Variants in CDKL1 observed in about 807,000 individuals in gnomAD.
The protein encoded by CDKL1 is cyclin-dependent kinase-like 1.
Under a neutral mutation model 42.0 loss-of-function variants are expected in CDKL1, and 41 were observed. That is an observed-to-expected ratio of 0.98 (90% CI 0.76 to 1.27). The LOEUF is 1.27. Among genes scored for constraint, CDKL1 ranks in the 50% most tolerant of loss-of-function variants. The pLI is 0.00. For missense variants in CDKL1, 394 were observed against 428.4 expected, an observed-to-expected ratio of 0.92 and a Z score of 0.71; for synonymous variants, 153 against 158.6, an observed-to-expected ratio of 0.96 and a Z score of 0.26.
At chr14:50,381,794 A>G (rs1235908000) in intron 2 of CDKL1, among the ~76,000 whole-genome samples, 3 of 151,474 alleles carry the variant, frequency 2.0e-5, no homozygotes, top group Admixed American at 6.6e-5. Context: ...TTGTTTAGAT[A>G]AAGGGTTTCA....
At position 50,363,534 on chromosome 14, in the gene CDKL1, A is replaced by G. The variant is rs117587880; in HGVS notation, c.169-4385T>C. On this transcript the variant is annotated intron_variant, in intron 2 of 9. Transcript: ENST00000395834. Reference sequence around the variant, plus strand: ...AAGTTTTCTTTCAGACTGAAAAATAATCATCCTTAGGCTTTACTTTCATTT... The same window carrying G: ...AAGTTTTCTTTCAGACTGAAAAATAGTCATCCTTAGGCTTTACTTTCATTT... Among the ~76,000 whole-genome samples the G allele has an allele frequency of 7.5e-4, 115 of 152,322 alleles. 1 individual carries two copies. In the East Asian group the frequency reaches 0.018, roughly 24 times the overall value.
At chr14:50,378,913 G>A (rs1349155413) in intron 2 of CDKL1, among the ~76,000 whole-genome samples, 2 of 151,246 alleles carry the variant, frequency 1.3e-5, no homozygotes, top group African/African-American at 2.4e-5. Flanking sequence ...GTGTAGTGGT[G>A]TGATCTTGGC....
Position 50,328,228 on chromosome 14 carries a change from ATTTT to A in CDKL1, c.*1842_*1845del. On this transcript the variant is annotated 3_prime_UTR_variant, in exon 10 of 10. Coordinates refer to ENST00000395834, the MANE Select transcript of CDKL1 (RefSeq NM_004196.7). ...ATTTTCTTGGGTTAAGGAAAAAAAAATTTTTTTTTAACTATTCACGGAAGCTGGA... is the reference window on the plus strand; with the variant it reads ...ATTTTCTTGGGTTAAGGAAAAAAAAATTTTTAACTATTCACGGAAGCTGGA... 1 of 151,754 alleles carries A rather than the reference ATTTT, an allele frequency of 6.6e-6. No homozygotes were observed. Among genetic ancestry groups the A allele is most frequent in the South Asian group, 2.1e-4 (1 of 4,790 alleles). The allele number at this position is 151,754 out of a possible 1,614,324, so 9.4% of individuals were successfully genotyped here.
chr14:50,326,632 T>G lies in CDKL1; in HGVS notation c.*3442A>C. The G allele has an allele frequency of 3.0e-6, 3 of 985,466 alleles. No individual in the cohort carries two copies. The highest frequency in any genetic ancestry group is 3.6e-6 in the Non-Finnish European group (3 of 829,924). 61.0% of individuals were successfully genotyped at this position (985,466 alleles called of 1,614,324 possible). ...TCTATTTTGTAAGCTTAGGCTACTA[T>G]TTTATTAAAACTGGACATAGATACT... On this transcript the variant is annotated 3_prime_UTR_variant, in exon 10 of 10. Transcript: ENST00000395834.
intron 8 of CDKL1, 101 bp from the exon 9 acceptor site, chr14:50,332,533 A>T (rs1321550837): frequency 1.3e-6 from 2 of 1,502,360 alleles, no homozygotes; most frequent in Non-Finnish European, 1.8e-6. Context: ...CAGTTGCAAT[A>T]AGAAGGGGGA....
At chr14:50,340,100 G>A (rs918033753) in intron 6 of CDKL1, among the ~76,000 whole-genome samples, 16 of 152,074 alleles carry the variant, frequency 1.1e-4, no homozygotes, top group African/African-American at 3.9e-4. Context: ...GTGCCAGAGG[G>A]GTGACATGGG....
intron 2 of CDKL1, chr14:50,363,139 C>T (rs563432244): frequency 2.1e-5 from 5 of 240,630 alleles, no homozygotes; most frequent in African/African-American, 4.5e-5. Context: ...CACAAACCCA[C>T]CAGAAGGAAG....
intron 9 of CDKL1, chr14:50,330,403 T>A: frequency 2.1e-6 from 1 of 473,726 alleles, no homozygotes; most frequent in South Asian, 3.0e-5. Context: ...AAAGAAGATT[T>A]AGAGAATATG....
At chr14:50,373,638 A>G (rs901554068) in intron 2 of CDKL1, among the ~76,000 whole-genome samples, 1 of 152,246 alleles carries the variant, frequency 6.6e-6, no homozygotes, top group African/African-American at 2.4e-5. Flanking sequence ...AAGAAGATAT[A>G]ATACAGATGG....
intron 3 of CDKL1, among the ~76,000 whole-genome samples, chr14:50,346,441 T>A (rs2033724716): frequency 6.6e-6 from 1 of 151,914 alleles, no homozygotes; most frequent in African/African-American, 2.4e-5. Flanking sequence ...TTAGGGGGAA[T>A]GCTTTTCCCC....
chr14:50,345,320 CAAGT>C (rs2033690070), intron 3 of CDKL1, among the ~76,000 whole-genome samples: 1 of 152,316 alleles, frequency 6.6e-6, no homozygotes, highest in Admixed American at 6.5e-5. Context: ...GGGATTTCAA[CAAGT>C]ATTTATAACC....
intron 2 of CDKL1, among the ~76,000 whole-genome samples, chr14:50,381,593 G>T (rs1262463186): frequency 6.6e-6 from 1 of 152,136 alleles, no homozygotes; most frequent in Admixed American, 6.6e-5. Context: ...ACAGTACGTG[G>T]AAAGTACTAT....
intron 2 of CDKL1, among the ~76,000 whole-genome samples, chr14:50,378,854 C>CT (rs140548824): frequency 0.021 from 2,984 of 138,976 alleles, 44 homozygotes; most frequent in Non-Finnish European, 0.029. Context: ...TCAAGACAAT[C>CT]TTTTTTTTTT....
intron 2 of CDKL1, among the ~76,000 whole-genome samples, chr14:50,385,220 C>G (rs1486080691): frequency 6.6e-6 from 1 of 151,408 alleles, no homozygotes; most frequent in Non-Finnish European, 1.5e-5. Context: ...AGAAATATGG[C>G]AGACCCATCT....
intron 2 of CDKL1, 25 bp from the exon 3 acceptor site, chr14:50,359,174 C>A (rs1243786702): frequency 6.3e-7 from 1 of 1,587,878 alleles, no homozygotes; most frequent in Admixed American, 1.7e-5. Context: ...AAACAAGTTA[C>A]TAAATTTGAC....
At chr14:50,350,855 T>C (rs567861207) in intron 3 of CDKL1, among the ~76,000 whole-genome samples, 1 of 152,236 alleles carries the variant, frequency 6.6e-6, no homozygotes, top group South Asian at 2.1e-4. Context: ...CTCCAGTTGT[T>C]CCTCCAGAGC....
In CDKL1 at chr14:50,339,204, G is replaced by A. The variant is rs531589413; in HGVS notation, c.656-175C>T. Among the ~76,000 whole-genome samples the A allele has an allele frequency of 2.6e-5, 4 of 152,050 alleles. No homozygotes were observed. The South Asian group carries it at 6.2e-4, about 24-fold the overall frequency. On this transcript the variant is annotated intron_variant, in intron 6 of 9. Coordinates refer to ENST00000395834, the MANE Select transcript of CDKL1 (RefSeq NM_004196.7). ...CACAGCAACCTGTATTGATCCCTACGGTGGACAGCACACTGTGTTAGGCAC... is the reference window on the plus strand; with the variant it reads ...CACAGCAACCTGTATTGATCCCTACAGTGGACAGCACACTGTGTTAGGCAC...
chr14:50,349,084 A>G (rs910759764), intron 3 of CDKL1, among the ~76,000 whole-genome samples: 3 of 152,226 alleles, frequency 2.0e-5, no homozygotes, highest in African/African-American at 7.2e-5. Context: ...AGACACACTC[A>G]TGAGTTTCAT....
At chr14:50,362,996 G>A (rs961628999) in intron 2 of CDKL1, 3 of 461,742 alleles carry the variant, frequency 6.5e-6, no homozygotes, top group African/African-American at 2.0e-5. Flanking sequence ...TATGGCAAAG[G>A]GCTGCAGCTT....
Sources: allele counts gnomAD v4.1 joint callset (sites outside exome capture counted in the v4.1 genomes callset), GRCh38; gene constraint gnomAD v4.1.1; transcripts MANE v1.5; gene names NCBI Gene and HGNC (gene_info 2026-07-23, HGNC 2026-07-21).